OSBPL10: variants seen among roughly 807,000 people sequenced by gnomAD.
The protein encoded by OSBPL10 is oxysterol-binding protein-related protein 10.
In OSBPL10, 49 loss-of-function variants were observed where a neutral mutation model predicts 81.7. The observed-to-expected ratio is 0.60, with a 90% CI of 0.48 to 0.76. The LOEUF (loss-of-function observed/expected upper bound fraction) is 0.76. Ranked by LOEUF, OSBPL10 falls within the 30% of genes least tolerant of loss-of-function variation. The probability of loss-of-function intolerance (pLI) is 0.00; values close to 1 mark genes in which losing one functional copy is unlikely to be tolerated. For missense variants in OSBPL10, 923 were observed against 987.8 expected (o/e 0.93, Z 0.88); for synonymous variants, 419 against 383.6 (o/e 1.09, Z -1.08).
At chr3:31,844,772 C>T (rs1700585913) in intron 3 of OSBPL10, among the ~76,000 whole-genome samples, 1 of 152,188 alleles carries the variant, frequency 6.6e-6, no homozygotes, top group Non-Finnish European at 1.5e-5. Flanking sequence ...TAATTGTCCT[C>T]TTTAAAAATG....
chr3:31,793,165 CTG>C (rs1469541642), intron 4 of OSBPL10, among the ~76,000 whole-genome samples: 5 of 152,146 alleles, frequency 3.3e-5, no homozygotes, highest in Non-Finnish European at 7.4e-5. Context: ...CTAATTCTTT[CTG>C]TCTCTTTCAT....
chr3:31,914,625 T>C (rs9842494), intron 1 of OSBPL10, among the ~76,000 whole-genome samples: 100,025 of 152,096 alleles, frequency 0.66, 33,272 homozygotes, highest in East Asian at 0.92. Flanking sequence ...TGGATTTTAG[T>C]ATCAAATTTT....
At chr3:31,826,080 A>G (rs1700094884) in intron 4 of OSBPL10, among the ~76,000 whole-genome samples, 1 of 152,176 alleles carries the variant, frequency 6.6e-6, no homozygotes, top group Non-Finnish European at 1.5e-5. Flanking sequence ...AGCTTTATCC[A>G]AATTAATTTT....
At position 31,675,006 on chromosome 3, in the gene OSBPL10, T is replaced by G. The variant is rs185781112; in HGVS notation, c.1727-4023A>C. ...AGTTTCGTCTTAGGATATTTTCACC[T>G]TCAGATGGTCTTATTGGGACATAAC... is the stretch of plus-strand genomic sequence containing the variant. On this transcript the variant is annotated intron_variant, in intron 8 of 11. Transcript: ENST00000396556. 2.6e-3 allele frequency among the ~76,000 whole-genome samples: 389 copies of G among 152,336 alleles called. 3 individuals are homozygous for G. Among genetic ancestry groups the G allele is most frequent in the Non-Finnish European group, 4.6e-3 (314 of 68,036 alleles).
intron 6 of OSBPL10, among the ~76,000 whole-genome samples, 180 bp from the exon 7 acceptor site, chr3:31,702,688 C>T (rs1442420392): frequency 6.6e-6 from 1 of 152,190 alleles, no homozygotes; most frequent in African/African-American, 2.4e-5. Context: ...CGGACCTGTG[C>T]CTTGGACACT....
intron 1 of OSBPL10, among the ~76,000 whole-genome samples, chr3:31,909,951 A>G (rs1371139018): frequency 1.3e-5 from 2 of 151,872 alleles, no homozygotes. Context: ...GCGCTGTGTA[A>G]GACAATCATT....
chr3:31,963,738 T>G (rs889062761), intron 1 of OSBPL10, among the ~76,000 whole-genome samples: 2 of 152,172 alleles, frequency 1.3e-5, no homozygotes, highest in African/African-American at 4.8e-5. Flanking sequence ...AAGATATGAC[T>G]TAGTCCTATC....
intron 2 of OSBPL10, among the ~76,000 whole-genome samples, chr3:31,993,303 A>G (rs1699054345): frequency 6.6e-6 from 1 of 151,766 alleles, no homozygotes; most frequent in African/African-American, 2.4e-5. Context: ...TCCACCTCCC[A>G]GGTTCAAGCA....
intron 6 of OSBPL10, among the ~76,000 whole-genome samples, chr3:31,707,954 A>C (rs953392865): frequency 1.3e-5 from 2 of 152,088 alleles, no homozygotes; most frequent in Non-Finnish European, 2.9e-5. Context: ...GAGAGATTGG[A>C]AGAGTAGGCA....
chr3:31,723,310 G>A (rs1178330362), intron 6 of OSBPL10, among the ~76,000 whole-genome samples: 1 of 152,184 alleles, frequency 6.6e-6, no homozygotes, highest in African/African-American at 2.4e-5. Flanking sequence ...CAACTCCACT[G>A]GGCACCTCAT....
intron 1 of OSBPL10, among the ~76,000 whole-genome samples, chr3:32,073,210 G>A (rs1166486723): frequency 2.0e-5 from 3 of 152,208 alleles, no homozygotes; most frequent in Non-Finnish European, 4.4e-5. Context: ...CCAGACACCA[G>A]CCCTCTAGGC....
intron 1 of OSBPL10, among the ~76,000 whole-genome samples, chr3:32,072,123 T>C (rs1699834569): frequency 6.6e-6 from 1 of 152,202 alleles, no homozygotes; most frequent in Non-Finnish European, 1.5e-5. Flanking sequence ...TTATACTGAC[T>C]CTAAATATGC....
At chr3:31,685,889 T>C (rs1700780258) in intron 7 of OSBPL10, among the ~76,000 whole-genome samples, 2 of 152,186 alleles carry the variant, frequency 1.3e-5, no homozygotes, top group Non-Finnish European at 2.9e-5. Context: ...CAAATGTGTG[T>C]TGCAATTTGA....
chr3:31,808,098 C>G (rs1352993957), intron 4 of OSBPL10, among the ~76,000 whole-genome samples: 1 of 152,128 alleles, frequency 6.6e-6, no homozygotes, highest in Non-Finnish European at 1.5e-5. Context: ...GAGTTTCACC[C>G]AGAATCAGTT....
In OSBPL10 at chr3:32,022,991, G is replaced by C. The variant is rs142532164; in HGVS notation, n.298+23500C>G. ...AGTGGATCTGTTTGGTGGAGGTCTGGGTTTCTGAAAAACAACTCAGGTACA... is the reference window on the plus strand; with the variant it reads ...AGTGGATCTGTTTGGTGGAGGTCTGCGTTTCTGAAAAACAACTCAGGTACA... On this transcript the variant is annotated intron_variant and non_coding_transcript_variant, in intron 2 of 3. Coordinates refer to the OSBPL10 transcript ENST00000479173. Among the ~76,000 whole-genome samples the C allele has an allele frequency of 2.3e-4, 35 of 152,062 alleles. No homozygotes were observed. In the East Asian group the frequency reaches 6.4e-3, roughly 28 times the overall value.
At chr3:31,777,599 C>CT (rs1386706475) in intron 4 of OSBPL10, among the ~76,000 whole-genome samples, 1 of 152,128 alleles carries the variant, frequency 6.6e-6, no homozygotes, top group Non-Finnish European at 1.5e-5. Flanking sequence ...TGAAAGTGTA[C>CT]TAGGAAAATC....
intron 4 of OSBPL10, among the ~76,000 whole-genome samples, chr3:31,789,617 A>G (rs6798458): frequency 0.43 from 64,997 of 151,790 alleles, 15,337 homozygotes; most frequent in African/African-American, 0.65. Context: ...GCACTGCCTC[A>G]AGAAAGATAC....
chr3:31,874,408 G>A (rs1052785086), intron 3 of OSBPL10, among the ~76,000 whole-genome samples: 1 of 151,818 alleles, frequency 6.6e-6, no homozygotes, highest in Non-Finnish European at 1.5e-5. Flanking sequence ...ATTCTACAAA[G>A]CAAAAATTTT....
intron 4 of OSBPL10, among the ~76,000 whole-genome samples, chr3:31,772,135 A>T: frequency 6.6e-6 from 1 of 152,180 alleles, no homozygotes; most frequent in Non-Finnish European, 1.5e-5. Flanking sequence ...ACAATACTAA[A>T]CGTTTGCTCC....
Sources: gnomAD v4.1 joint callset for allele counts (sites outside exome capture counted in the v4.1 genomes callset) on GRCh38, gnomAD v4.1.1 for gene constraint, MANE v1.5 for transcripts, NCBI Gene and HGNC (gene_info 2026-07-23, HGNC 2026-07-21) for gene names.